The following FTMT variants were observed in gnomAD, a reference collection of about 807,000 sequenced individuals.
The protein encoded by FTMT is ferritin mitochondrial.
In FTMT, 5 loss-of-function variants were observed where a neutral mutation model predicts 4.9. The observed-to-expected ratio is 1.03, with a 90% CI of 0.54 to 2.16. The LOEUF is 2.16. Ranked by LOEUF, FTMT falls within the 30% of genes most tolerant of loss-of-function variation. The pLI is 0.01. For synonymous variants in FTMT, 174 were observed against 143.6 expected, an observed-to-expected ratio of 1.21 and a Z score of -1.51; for missense variants, 393 against 323.0, an observed-to-expected ratio of 1.22 and a Z score of -1.66.
rs1428528606 is a variant in FTMT at position 121,852,065 on chromosome 5, G to T, written c.102G>T (p.Pro34=). The T allele has an allele frequency of 1.9e-6, 3 of 1,590,376 alleles. No individual in the cohort carries two copies. Among genetic ancestry groups the T allele is most frequent in the Admixed American group, 3.4e-5 (2 of 58,570 alleles). The change falls in exon 1 of 1, where the codon CCG becomes CCT. Residue 34 remains proline, a synonymous_variant. Coordinates refer to ENST00000321339, the MANE Select transcript of FTMT (RefSeq NM_177478.2). ...CCFALPLRWA[P]GRPLDPRQIA... Reference sequence around the variant, plus strand: ...TCGCGCTCCCGCTGCGTTGGGCCCCGGGGCGCCCCTTGGACCCCAGGCAGA... The same window carrying T: ...TCGCGCTCCCGCTGCGTTGGGCCCCTGGGCGCCCCTTGGACCCCAGGCAGA...
At position 121,851,934 on chromosome 5, in the gene FTMT, C is replaced by T. The variant is rs1750051652; in HGVS notation, c.-30C>T. ...ACCCCACGCCAAGAGGGCCGGGCCTCAGTTTCCCCACTTCCAAGGAGGCGG... is the reference window on the plus strand; with the variant it reads ...ACCCCACGCCAAGAGGGCCGGGCCTTAGTTTCCCCACTTCCAAGGAGGCGG... On this transcript the variant is annotated 5_prime_UTR_variant, in exon 1 of 1. Coordinates refer to ENST00000321339, the MANE Select transcript of FTMT (RefSeq NM_177478.2). 1 of 1,554,966 alleles carries T rather than the reference C, an allele frequency of 6.4e-7. No individual in the cohort carries two copies. Among genetic ancestry groups the T allele is most frequent in the Non-Finnish European group, 8.6e-7 (1 of 1,160,046 alleles).
At position 121,852,356 on chromosome 5, in the gene FTMT, G is replaced by C; in HGVS notation, c.393G>C (p.Arg131Ser). 6.2e-7 allele frequency: 1 copy of C among 1,614,196 alleles called. No homozygotes were observed. Among genetic ancestry groups the C allele is most frequent in the Non-Finnish European group, 8.5e-7 (1 of 1,180,040 alleles). Reference protein sequence around the residue: ...EETEHAEKLMRLQNQRGGRIR... With the variant: ...EETEHAEKLMSLQNQRGGRIR... ...CCGAGCACGCGGAGAAGCTGATGAGGCTGCAGAACCAGCGAGGAGGCCGGA... is the reference window on the plus strand; with the variant it reads ...CCGAGCACGCGGAGAAGCTGATGAGCCTGCAGAACCAGCGAGGAGGCCGGA... Residue 131 changes from arginine to serine, a missense_variant, in exon 1 of 1, where the codon AGG (arginine) becomes AGC (serine). Physicochemically the swap from Arg to Ser is moderately radical, Grantham distance 110. Transcript: ENST00000321339.
Sources: allele counts gnomAD v4.1 joint callset, GRCh38; gene constraint gnomAD v4.1.1; transcripts MANE v1.5; gene names NCBI Gene and HGNC (gene_info 2026-07-23, HGNC 2026-07-21).